Variants in SPSB1 observed in about 807,000 individuals in gnomAD.
The protein encoded by SPSB1 is SPRY domain-containing SOCS box protein 1.
In SPSB1, 8 loss-of-function variants were observed where a neutral mutation model predicts 21.2. The observed-to-expected ratio is 0.38, with a 90% CI of 0.22 to 0.68. The LOEUF is 0.68. SPSB1 is among the 30% of genes least tolerant of loss of function. The pLI is 0.53. For missense variants in SPSB1, 242 were observed against 377.8 expected, an observed-to-expected ratio of 0.64 and a Z score of 2.98; for synonymous variants, 169 against 161.7, an observed-to-expected ratio of 1.05 and a Z score of -0.34.
chr1:9,323,543 A>G (rs1386929161), intron 1 of SPSB1, among the ~76,000 whole-genome samples: 2 of 152,316 alleles, frequency 1.3e-5, no homozygotes, highest in East Asian at 1.9e-4. Context: ...CCCTGTCCAC[A>G]AGCAGGGGCT....
chr1:9,310,503 G>A (rs1008023759), intron 1 of SPSB1, among the ~76,000 whole-genome samples: 1 of 152,046 alleles, frequency 6.6e-6, no homozygotes, highest in Non-Finnish European at 1.5e-5. Context: ...GACCAGCCTG[G>A]GCAACATGGT....
At chr1:9,296,159 C>T (rs938989476) in intron 1 of SPSB1, among the ~76,000 whole-genome samples, 18 of 152,260 alleles carry the variant, frequency 1.2e-4, no homozygotes, top group South Asian at 6.2e-4. Context: ...ATAATAATAG[C>T]GGGAAATGGT....
intron 1 of SPSB1, among the ~76,000 whole-genome samples, chr1:9,352,962 G>GT (rs908819651): frequency 2.6e-5 from 4 of 151,870 alleles, no homozygotes; most frequent in East Asian, 3.9e-4. Flanking sequence ...GCGGCAGGGG[G>GT]GCTGTGGAGG....
chr1:9,344,958 A>G (rs544264), intron 1 of SPSB1, among the ~76,000 whole-genome samples: 135,607 of 152,206 alleles, frequency 0.89, 60,784 homozygotes, highest in African/African-American at 0.97. Context: ...ACTGGCTCCC[A>G]TTCAGGCCTT....
At chr1:9,326,547 G>T (rs190647275) in intron 1 of SPSB1, among the ~76,000 whole-genome samples, 19 of 152,218 alleles carry the variant, frequency 1.2e-4, no homozygotes, top group Admixed American at 1.2e-3. Context: ...GTGGACTGGT[G>T]GGGGAGGGCT....
intron 1 of SPSB1, among the ~76,000 whole-genome samples, chr1:9,342,070 T>G (rs1469078072): frequency 6.6e-6 from 1 of 152,246 alleles, no homozygotes; most frequent in African/African-American, 2.4e-5. Flanking sequence ...AAGCAAGGTC[T>G]TGAGAAGCTC....
chr1:9,331,333 T>G (rs969408581), intron 1 of SPSB1, among the ~76,000 whole-genome samples: 3 of 142,072 alleles, frequency 2.1e-5, no homozygotes, highest in African/African-American at 8.0e-5. Flanking sequence ...TTTTTTTTTT[T>G]TTTTTTTTTT....
intron 1 of SPSB1, among the ~76,000 whole-genome samples, chr1:9,330,593 C>A (rs1052820259): frequency 8.5e-5 from 13 of 152,146 alleles, no homozygotes; most frequent in African/African-American, 2.4e-4. Flanking sequence ...TCCCTAACTT[C>A]ACCCGACACG....
chr1:9,315,956 A>C (rs1311396457), intron 1 of SPSB1, among the ~76,000 whole-genome samples: 2 of 152,228 alleles, frequency 1.3e-5, no homozygotes, highest in Non-Finnish European at 2.9e-5. Flanking sequence ...GGCTCCGGGC[A>C]TCCTGGTGCA....
In SPSB1 at chr1:9,367,513, C is replaced by G. The variant is rs777935679; in HGVS notation, c.760C>G (p.Leu254Val). The G allele has an allele frequency of 5.6e-6, 9 of 1,612,250 alleles. No homozygotes were observed. In the Admixed American group the frequency reaches 1.5e-4, roughly 27 times the overall value. The change falls in exon 3 of 3, where the codon CTG (leucine) becomes GTG (valine). Residue 254 changes from leucine to valine, a missense_variant. Coordinates refer to ENST00000328089, the MANE Select transcript of SPSB1 (RefSeq NM_025106.4). This position sits in a 1 kb window ranked among gnomAD's most constrained non-coding sequence, Gnocchi z 5.9. ...SVRLALGRER[L>V]GEIHTLPLPA... The stretch of plus-strand genomic sequence containing the variant: ...GCGCCTGGCCCTGGGGAGGGAGCGC[C>G]TGGGGGAGATCCACACGCTGCCGCT...
At chr1:9,299,503 A>AT (rs926330529) in intron 1 of SPSB1, among the ~76,000 whole-genome samples, 2 of 151,462 alleles carry the variant, frequency 1.3e-5, no homozygotes, top group Admixed American at 6.6e-5. Context: ...TTTGAGATGG[A>AT]TTTTTTGCTC....
intron 1 of SPSB1, among the ~76,000 whole-genome samples, chr1:9,307,931 T>C (rs1007009314): frequency 6.6e-6 from 1 of 152,130 alleles, no homozygotes; most frequent in Non-Finnish European, 1.5e-5. Flanking sequence ...CCCTCAACTG[T>C]GATGCCAGAG....
At chr1:9,336,796 C>T (rs1281701975) in intron 1 of SPSB1, among the ~76,000 whole-genome samples, 1 of 152,236 alleles carries the variant, frequency 6.6e-6, no homozygotes, top group Non-Finnish European at 1.5e-5. Context: ...TGAAACTGCA[C>T]TGCTCCCTGG....
At chr1:9,302,084 T>G (rs534021689) in intron 1 of SPSB1, among the ~76,000 whole-genome samples, 2 of 152,342 alleles carry the variant, frequency 1.3e-5, no homozygotes, top group South Asian at 4.1e-4. Context: ...TGCAGGGAAT[T>G]GGCCGGTGAG....
rs778521609 is a variant in SPSB1, at chr1:9,367,707, C to T, written c.*132C>T. On this transcript the variant is annotated 3_prime_UTR_variant, in exon 3 of 3. Coordinates refer to ENST00000328089, the MANE Select transcript of SPSB1 (RefSeq NM_025106.4). The surrounding 1 kb of genome is among the most constrained non-coding windows in gnomAD (Gnocchi z 5.9). ...TGGACAGAGGTCCCTGGTCTTCCCT[C>T]ATCCTCCGTGGCTGCCTCCATGGGA... 2.7e-5 allele frequency: 37 copies of T among 1,365,594 alleles called. No homozygotes were observed. The highest frequency in any genetic ancestry group is 8.2e-5 in the Admixed American group (3 of 36,444). 84.6% of individuals were successfully genotyped at this position (1,365,594 alleles called of 1,614,324 possible). A position where few individuals can be genotyped will look rare whatever the true frequency, so the allele number is the denominator to read the frequency against.
chr1:9,292,932 C>A lies in SPSB1; in HGVS notation c.-289C>A. On this transcript the variant is annotated 5_prime_UTR_variant, in exon 1 of 3. Transcript: ENST00000328089. Reference sequence around the variant, plus strand: ...GCTCGGGCAGCCTGCGCGCTCGCAGCAGGAACCAGGCTCCAGGCGCCGGCG... The same window carrying A: ...GCTCGGGCAGCCTGCGCGCTCGCAGAAGGAACCAGGCTCCAGGCGCCGGCG... 1.1e-6 allele frequency: 1 copy of A among 952,100 alleles called. No individual in the cohort carries two copies. Among genetic ancestry groups the A allele is most frequent in the Non-Finnish European group, 1.2e-6 (1 of 819,010 alleles). The allele number at this position is 952,100 out of a possible 1,614,324, so 59.0% of individuals were successfully genotyped here.
intron 1 of SPSB1, among the ~76,000 whole-genome samples, chr1:9,303,855 A>G (rs1449005139): frequency 6.6e-6 from 1 of 152,236 alleles, no homozygotes; most frequent in Non-Finnish European, 1.5e-5. Context: ...ACTAAGGAAT[A>G]CCTGGATAGA....
chr1:9,344,533 A>C (rs762699709), intron 1 of SPSB1, among the ~76,000 whole-genome samples: 5 of 152,154 alleles, frequency 3.3e-5, no homozygotes, highest in Non-Finnish European at 5.9e-5. Context: ...TCACGATTCC[A>C]AGCTATCAGG....
intron 1 of SPSB1, among the ~76,000 whole-genome samples, chr1:9,333,949 T>C (rs926247): frequency 0.76 from 114,976 of 152,148 alleles, 44,337 homozygotes; most frequent in African/African-American, 0.91. Flanking sequence ...CTCATTTTTT[T>C]GCTTTTGTCC....
Sources: gnomAD v4.1 joint callset for allele counts (sites outside exome capture counted in the v4.1 genomes callset) on GRCh38, gnomAD v4.1.1 for gene constraint, Gnocchi (gnomAD v3.1) non-coding constraint, MANE v1.5 for transcripts, NCBI Gene and HGNC (gene_info 2026-07-23, HGNC 2026-07-21) for gene names.